Variants in EYS observed in about 807,000 individuals in gnomAD.
EYS encodes the protein protein eyes shut homolog.
Under a neutral mutation model 282.1 loss-of-function variants are expected in EYS, and 250 were observed. That is an observed-to-expected ratio of 0.89 (90% CI 0.80 to 0.98). EYS has a LOEUF of 0.98. Ranked by LOEUF, EYS falls within the 50% of genes least tolerant of loss-of-function variation. EYS has a pLI of 0.00. For synonymous variants in EYS, 1,355 were observed against 1,282.9 expected, an observed-to-expected ratio of 1.06 and a Z score of -1.20; for missense variants, 4,016 against 3,709.0, an observed-to-expected ratio of 1.08 and a Z score of -2.15.
chr6:64,436,660 T>A (rs1014528715), intron 27 of EYS, among the ~76,000 whole-genome samples: 23 of 151,850 alleles, frequency 1.5e-4, no homozygotes. Context: ...AATATTAATG[T>A]CACAGGAAGG....
chr6:64,749,712 G>T (rs958008979), intron 22 of EYS, among the ~76,000 whole-genome samples: 21 of 152,112 alleles, frequency 1.4e-4, no homozygotes, highest in African/African-American at 5.1e-4. Flanking sequence ...AACTAAAGCA[G>T]ATTTGAACAA....
At chr6:64,274,683 C>T (rs949187147) in intron 30 of EYS, among the ~76,000 whole-genome samples, 5 of 151,856 alleles carry the variant, frequency 3.3e-5, no homozygotes, top group Non-Finnish European at 2.9e-5. Flanking sequence ...TATTTAAAGC[C>T]TTAATCCCTG....
chr6:64,703,342 G>C (rs1347627093), intron 22 of EYS, among the ~76,000 whole-genome samples: 3 of 139,440 alleles, frequency 2.2e-5, no homozygotes, highest in Admixed American at 1.5e-4. Flanking sequence ...TATACTGGAG[G>C]TTTCTTAAAT....
At chr6:64,412,996 G>C (rs1421500122) in intron 28 of EYS, among the ~76,000 whole-genome samples, 3 of 152,108 alleles carry the variant, frequency 2.0e-5, no homozygotes, top group Non-Finnish European at 4.4e-5. Flanking sequence ...TAGTAGAAGA[G>C]AGCCAGCTTA....
At chr6:64,069,274 C>G (rs7739481) in intron 32 of EYS, among the ~76,000 whole-genome samples, 1,986 of 151,804 alleles carry the variant, frequency 0.013, 44 homozygotes, top group African/African-American at 0.045. Flanking sequence ...TTTTCATTTT[C>G]CATTTTGATT....
At chr6:65,347,740 A>T (rs1770455584) in intron 9 of EYS, among the ~76,000 whole-genome samples, 1 of 151,632 alleles carries the variant, frequency 6.6e-6, no homozygotes, top group Non-Finnish European at 1.5e-5. Flanking sequence ...ACCCAATTAT[A>T]TTCTTTTAAT....
intron 26 of EYS, among the ~76,000 whole-genome samples, chr6:64,509,191 G>A (rs1777307668): frequency 6.6e-6 from 1 of 152,104 alleles, no homozygotes; most frequent in African/African-American, 2.4e-5. Context: ...AGGCATTATA[G>A]TTATTCCTTC....
intron 29 of EYS, among the ~76,000 whole-genome samples, chr6:64,331,402 G>T (rs1368986881): frequency 6.6e-6 from 1 of 152,160 alleles, no homozygotes; most frequent in Non-Finnish European, 1.5e-5. Flanking sequence ...AGGCGACAGA[G>T]AAGCCAAAAG....
chr6:65,258,670 A>G lies in EYS; in HGVS notation c.2023+37193T>C, dbSNP rs374909937. ...TATGAGAGCAAGATTGTCTGGTTCTAGTACCTACAGAGAAATTTTGCGGTG... is the reference window on the plus strand; with the variant it reads ...TATGAGAGCAAGATTGTCTGGTTCTGGTACCTACAGAGAAATTTTGCGGTG... On this transcript the variant is annotated intron_variant, in intron 12 of 42. Transcript: ENST00000503581. Among the ~76,000 whole-genome samples the G allele has an allele frequency of 2.0e-5, 3 of 152,110 alleles. No homozygotes were observed. In the East Asian group the frequency reaches 5.8e-4, roughly 29 times the overall value.
intron 26 of EYS, among the ~76,000 whole-genome samples, chr6:64,488,775 C>T (rs768925261): frequency 2.5e-4 from 38 of 151,010 alleles, no homozygotes; most frequent in Non-Finnish European, 4.8e-4. Context: ...ACTTTGTCAT[C>T]GTATCCATGG....
At chr6:65,337,295 A>G (rs1043869702) in intron 10 of EYS, among the ~76,000 whole-genome samples, 2 of 151,390 alleles carry the variant, frequency 1.3e-5, no homozygotes, top group Admixed American at 6.6e-5. Flanking sequence ...TTACAACTGA[A>G]GCTATAAGTT....
At chr6:65,541,864 G>A (rs9342484) in intron 2 of EYS, among the ~76,000 whole-genome samples, 23,429 of 152,030 alleles carry the variant, frequency 0.15, 2,295 homozygotes, top group East Asian at 0.28. Context: ...TAAGAAATGA[G>A]TGATTGTATA....
At chr6:64,540,333 T>C (rs1395770588) in intron 26 of EYS, among the ~76,000 whole-genome samples, 1 of 152,148 alleles carries the variant, frequency 6.6e-6, no homozygotes, top group Non-Finnish European at 1.5e-5. Context: ...ATCTCAAAGT[T>C]TTCTCTTGAG....
intron 31 of EYS, among the ~76,000 whole-genome samples, chr6:64,157,838 G>A (rs1774980317): frequency 6.6e-6 from 1 of 152,222 alleles, no homozygotes; most frequent in African/African-American, 2.4e-5. Context: ...CTCTGTTAGG[G>A]CAGTGCAGAA....
At chr6:64,236,499 A>G (rs893122519) in intron 30 of EYS, among the ~76,000 whole-genome samples, 68 of 152,100 alleles carry the variant, frequency 4.5e-4, no homozygotes, top group Admixed American at 4.5e-3. Context: ...CAACTGCCAA[A>G]CTATTTTCCA....
intron 12 of EYS, among the ~76,000 whole-genome samples, chr6:65,191,189 C>T (rs969185793): frequency 1.3e-5 from 2 of 151,694 alleles, no homozygotes; most frequent in African/African-American, 4.8e-5. Context: ...TTTTAGCTTC[C>T]TACAAAGTCA....
At chr6:64,406,463 G>C (rs1325724763) in intron 28 of EYS, among the ~76,000 whole-genome samples, 1 of 152,054 alleles carries the variant, frequency 6.6e-6, no homozygotes, top group Non-Finnish European at 1.5e-5. Context: ...TTGACAAATG[G>C]GATCTAATTA....
intron 22 of EYS, among the ~76,000 whole-genome samples, chr6:64,694,032 A>G (rs1770490746): frequency 6.6e-6 from 1 of 152,172 alleles, no homozygotes; most frequent in South Asian, 2.1e-4. Context: ...ACATCAATGA[A>G]TAAGGAGAAA....
At chr6:65,144,963 G>T (rs7771121) in intron 12 of EYS, among the ~76,000 whole-genome samples, 18,277 of 151,624 alleles carry the variant, frequency 0.12, 1,433 homozygotes, top group African/African-American at 0.22. Context: ...TAGAGACGGG[G>T]TTTCACCATG....
Sources: gnomAD v4.1 joint callset for allele counts (sites outside exome capture counted in the v4.1 genomes callset) on GRCh38, gnomAD v4.1.1 for gene constraint, MANE v1.5 for transcripts, NCBI Gene and HGNC (gene_info 2026-07-23, HGNC 2026-07-21) for gene names.